Variants in ERC2 observed in about 807,000 individuals in gnomAD.
ERC2 encodes the protein ERC protein 2.
In ERC2, 42 loss-of-function variants were observed where a neutral mutation model predicts 114.8. The observed-to-expected ratio is 0.37, with a 90% CI of 0.29 to 0.47. The LOEUF (loss-of-function observed/expected upper bound fraction) is 0.47. ERC2 is among the 20% of genes least tolerant of loss of function. The probability of loss-of-function intolerance (pLI) is 0.99; values close to 1 mark genes in which losing one functional copy is unlikely to be tolerated. For synonymous variants in ERC2, 454 were observed against 425.5 expected, an observed-to-expected ratio of 1.07 and a Z score of -0.82; for missense variants, 939 against 1,150.7, an observed-to-expected ratio of 0.82 and a Z score of 2.66.
At chr3:55,522,954 T>C (rs926972839) in intron 17 of ERC2, among the ~76,000 whole-genome samples, 1 of 152,178 alleles carries the variant, frequency 6.6e-6, no homozygotes, top group African/African-American at 2.4e-5. Context: ...GAGAGGAAAA[T>C]GTGTTTTCAT....
chr3:56,387,321 T>C (rs774900647), intron 2 of ERC2, among the ~76,000 whole-genome samples: 17 of 152,186 alleles, frequency 1.1e-4, no homozygotes, highest in Non-Finnish European at 1.9e-4. Flanking sequence ...GTTTGGTCTC[T>C]GTCTAATTCT....
At chr3:56,336,841 G>T (rs1178447290) in intron 2 of ERC2, among the ~76,000 whole-genome samples, 1 of 152,028 alleles carries the variant, frequency 6.6e-6, no homozygotes, top group East Asian at 1.9e-4. Flanking sequence ...TTGTGCAGAG[G>T]CCTTGGAAAA....
At chr3:56,250,055 G>A (rs997545722) in intron 3 of ERC2, among the ~76,000 whole-genome samples, 3 of 151,344 alleles carry the variant, frequency 2.0e-5, no homozygotes, top group South Asian at 2.1e-4. Flanking sequence ...ACGGGGTTTC[G>A]CCATTTGGGC....
intron 4 of ERC2, among the ~76,000 whole-genome samples, chr3:56,170,613 T>TTTTTGAGGTAGTGTCTCACTA (rs2082606749): frequency 6.7e-6 from 1 of 149,488 alleles, no homozygotes; most frequent in Non-Finnish European, 1.5e-5. Flanking sequence ...TTTTTTTTTT[T>TTTTTGAGGTAGTGTCTCACTA]TGAGGTAGTG....
At chr3:55,679,444 C>T (rs1169883778) in intron 17 of ERC2, among the ~76,000 whole-genome samples, 1 of 152,134 alleles carries the variant, frequency 6.6e-6, no homozygotes, top group Non-Finnish European at 1.5e-5. Flanking sequence ...CCATCAAAGC[C>T]ATGACCAAAA....
At chr3:56,317,515 A>C (rs1465453905) in intron 2 of ERC2, among the ~76,000 whole-genome samples, 1 of 152,160 alleles carries the variant, frequency 6.6e-6, no homozygotes. Flanking sequence ...CATTCTCAGA[A>C]GTCTGTGAGT....
chr3:55,684,322 GCACACA>G (rs148145445), intron 16 of ERC2, among the ~76,000 whole-genome samples: 1 of 149,400 alleles, frequency 6.7e-6, no homozygotes, highest in African/African-American at 2.5e-5. Flanking sequence ...ACACACACAC[GCACACA>G]CACACACACA....
At chr3:56,087,042 A>G (rs2077540494) in intron 6 of ERC2, among the ~76,000 whole-genome samples, 1 of 152,186 alleles carries the variant, frequency 6.6e-6, no homozygotes. Flanking sequence ...TGTATGATAT[A>G]GTCCATGCAC....
At chr3:55,746,148 T>A (rs1488001693) in intron 14 of ERC2, among the ~76,000 whole-genome samples, 6 of 152,180 alleles carry the variant, frequency 3.9e-5, no homozygotes, top group African/African-American at 1.4e-4. Context: ...GTCATGCCAT[T>A]GCTGTGAGAA....
At chr3:55,591,183 GC>G (rs1386848495) in intron 17 of ERC2, among the ~76,000 whole-genome samples, 9 of 118,464 alleles carry the variant, frequency 7.6e-5, no homozygotes, top group African/African-American at 2.5e-4. Flanking sequence ...GTGTCTTTTA[GC>G]TTTTTTTTTT....
intron 2 of ERC2, among the ~76,000 whole-genome samples, chr3:56,415,012 TACC>T (rs1178120539): frequency 6.6e-6 from 1 of 152,248 alleles, no homozygotes; most frequent in African/African-American, 2.4e-5. Flanking sequence ...GGCTCAGGGC[TACC>T]ACATCTTTCT....
At chr3:56,322,879 C>G (rs2057191098) in intron 2 of ERC2, among the ~76,000 whole-genome samples, 1 of 152,286 alleles carries the variant, frequency 6.6e-6, no homozygotes, top group Admixed American at 6.5e-5. Context: ...CCCAACGTGA[C>G]AGTGTTGGGA....
chr3:56,387,871 A>T (rs1261633359), intron 2 of ERC2, among the ~76,000 whole-genome samples: 1 of 151,942 alleles, frequency 6.6e-6, no homozygotes, highest in African/African-American at 2.4e-5. Flanking sequence ...TTCAACAATG[A>T]CTCCCTGCCT....
At chr3:55,668,167 G>A (rs925933925) in intron 17 of ERC2, among the ~76,000 whole-genome samples, 2 of 152,054 alleles carry the variant, frequency 1.3e-5, no homozygotes, top group Admixed American at 6.5e-5. Flanking sequence ...CCAACCATGA[G>A]TTAGCTGGCT....
At chr3:56,458,529 C>T (rs936059028) in intron 1 of ERC2, among the ~76,000 whole-genome samples, 2 of 152,312 alleles carry the variant, frequency 1.3e-5, no homozygotes, top group South Asian at 2.1e-4. Context: ...ATTCCCCTTG[C>T]GTGCCCACAC....
At chr3:56,288,682 ACT>A (rs2054883215) in intron 3 of ERC2, among the ~76,000 whole-genome samples, 1 of 152,242 alleles carries the variant, frequency 6.6e-6, no homozygotes, top group South Asian at 2.1e-4. Context: ...TTTTGGATGC[ACT>A]GTCAGATTAC....
intron 17 of ERC2, among the ~76,000 whole-genome samples, chr3:55,546,199 C>T (rs569854292): frequency 6.6e-6 from 1 of 152,180 alleles, no homozygotes; most frequent in Non-Finnish European, 1.5e-5. Context: ...CTCTGCTCGG[C>T]ACTTCCTGGG....
chr3:56,416,597 C>T (rs2107176237), intron 2 of ERC2, among the ~76,000 whole-genome samples: 1 of 151,500 alleles, frequency 6.6e-6, no homozygotes, highest in East Asian at 1.9e-4. Flanking sequence ...TCCACCAAAC[C>T]CACCTCCCTA....
intron 16 of ERC2, among the ~76,000 whole-genome samples, chr3:55,697,972 G>A (rs1358830313): frequency 1.3e-5 from 2 of 152,018 alleles, no homozygotes; most frequent in African/African-American, 4.8e-5. Context: ...GGCAGAGGTG[G>A]GGAGGTGGTA....
Sources: gnomAD v4.1 joint callset for allele counts (sites outside exome capture counted in the v4.1 genomes callset) on GRCh38, gnomAD v4.1.1 for gene constraint, MANE v1.5 for transcripts, NCBI Gene and HGNC (gene_info 2026-07-23, HGNC 2026-07-21) for gene names.